Variants in SH3RF1 observed in about 807,000 individuals in gnomAD.
SH3RF1 encodes E3 ubiquitin-protein ligase SH3RF1.
In SH3RF1, 32 loss-of-function variants were observed where a neutral mutation model predicts 74.0. That is an observed-to-expected ratio of 0.43 (90% CI 0.33 to 0.58). SH3RF1 has a LOEUF of 0.58. Ranked by LOEUF, SH3RF1 falls within the 20% of genes least tolerant of loss-of-function variation. SH3RF1 has a pLI of 0.05. For missense variants in SH3RF1, 954 were observed against 1,130.9 expected (o/e 0.84, Z 2.24); for synonymous variants, 396 against 439.6 (o/e 0.90, Z 1.24).
At chr4:169,201,401 T>C (rs1284057252) in intron 2 of SH3RF1, among the ~76,000 whole-genome samples, 1 of 152,192 alleles carries the variant, frequency 6.6e-6, no homozygotes, top group East Asian at 1.9e-4. Context: ...AAACAATATT[T>C]GCCAAACTAA....
intron 10 of SH3RF1, among the ~76,000 whole-genome samples, chr4:169,107,810 G>GT (rs1274889716): frequency 2.0e-5 from 3 of 152,178 alleles, no homozygotes; most frequent in African/African-American, 7.2e-5. Flanking sequence ...TTGATTAAAT[G>GT]TAACAAGCCA....
At chr4:169,146,221 T>TTA (rs1733889542) in intron 4 of SH3RF1, among the ~76,000 whole-genome samples, 1 of 140,434 alleles carries the variant, frequency 7.1e-6, no homozygotes, top group African/African-American at 2.7e-5. Flanking sequence ...ATTATATGTT[T>TTA]TATATATATA....
At chr4:169,216,727 T>G (rs2126998948) in intron 2 of SH3RF1, among the ~76,000 whole-genome samples, 1 of 152,330 alleles carries the variant, frequency 6.6e-6, no homozygotes, top group East Asian at 1.9e-4. Flanking sequence ...GTTAATTGTC[T>G]TCAGTATTTT....
chr4:169,238,314 G>A (rs1478095127), intron 2 of SH3RF1, among the ~76,000 whole-genome samples: 1 of 152,150 alleles, frequency 6.6e-6, no homozygotes, highest in Non-Finnish European at 1.5e-5. Flanking sequence ...AGGTGTCATG[G>A]GCATGGAAGG....
intron 2 of SH3RF1, among the ~76,000 whole-genome samples, chr4:169,229,248 T>A (rs897256871): frequency 6.6e-6 from 1 of 152,212 alleles, no homozygotes; most frequent in Non-Finnish European, 1.5e-5. Flanking sequence ...ATAATTAACA[T>A]TTGAATTTAA....
chr4:169,156,752 T>G, intron 2 of SH3RF1, 73 bp from the exon 3 acceptor site: 2 of 1,416,160 alleles, frequency 1.4e-6, no homozygotes, highest in Non-Finnish European at 1.9e-6. Context: ...ACAACTGCGT[T>G]GTCATTGTTT....
intron 4 of SH3RF1, among the ~76,000 whole-genome samples, chr4:169,148,250 C>T (rs796345779): frequency 5.5e-4 from 84 of 152,320 alleles, no homozygotes; most frequent in African/African-American, 1.9e-3. Flanking sequence ...TCTAGGGAAG[C>T]GATGAACTGC....
At chr4:169,167,877 G>A (rs1290746222) in intron 2 of SH3RF1, among the ~76,000 whole-genome samples, 1 of 152,070 alleles carries the variant, frequency 6.6e-6, no homozygotes, top group Non-Finnish European at 1.5e-5. Flanking sequence ...CAATACCAAA[G>A]GATATTAAGG....
intron 2 of SH3RF1, among the ~76,000 whole-genome samples, chr4:169,256,380 A>C (rs1731195195): frequency 6.6e-6 from 1 of 152,054 alleles, no homozygotes. Context: ...CCTTTTACAG[A>C]TGAGGCCCAG....
rs1220659177 is a variant in SH3RF1, at chr4:169,120,954, T to G, written c.1382A>C (p.Glu461Ala). The change falls in exon 8 of 12, where the codon GAG becomes GCG. Residue 461 changes from glutamate (E) to alanine (A), a missense_variant. Around this residue, in one of 3 missense-constraint regions of SH3RF1, gnomAD observed 854 missense variants for 962.5 expected, o/e 0.89. Coordinates refer to ENST00000284637, the MANE Select transcript of SH3RF1 (RefSeq NM_020870.4). ...CCCTTTTCTCAGCTCTAGTTCATCC[T>G]CTTTCCGAGGAGTGTATGGATATAT... ...VAIYPYTPRK[E>A]DELELRKGEM... The G allele has an allele frequency of 1.2e-6, 2 of 1,614,162 alleles. No homozygotes were observed. Among genetic ancestry groups the G allele is most frequent in the Non-Finnish European group, 1.7e-6 (2 of 1,179,984 alleles).
intron 4 of SH3RF1, among the ~76,000 whole-genome samples, chr4:169,144,164 T>C (rs1733832750): frequency 1.3e-5 from 2 of 152,196 alleles, no homozygotes; most frequent in Admixed American, 1.3e-4. Context: ...CTCTGTAACA[T>C]GTAAAGTGCT....
intron 4 of SH3RF1, among the ~76,000 whole-genome samples, chr4:169,146,767 G>C (rs985420764): frequency 2.0e-5 from 3 of 152,078 alleles, no homozygotes; most frequent in Non-Finnish European, 4.4e-5. Context: ...TTTGAGGGGA[G>C]TGTAGTCAAG....
chr4:169,241,085 C>G (rs568660456), intron 2 of SH3RF1, among the ~76,000 whole-genome samples: 1 of 152,234 alleles, frequency 6.6e-6, no homozygotes, highest in South Asian at 2.1e-4. Flanking sequence ...AAAAAATTAG[C>G]CAAGCGTGGT....
intron 2 of SH3RF1, among the ~76,000 whole-genome samples, chr4:169,217,617 G>C (rs1730488546): frequency 6.6e-6 from 1 of 152,114 alleles, no homozygotes; most frequent in Admixed American, 6.5e-5. Flanking sequence ...TCTGGACAAA[G>C]GAATAAGGCA....
chr4:169,229,591 A>T (rs1176365415), intron 2 of SH3RF1, among the ~76,000 whole-genome samples: 2 of 152,162 alleles, frequency 1.3e-5, no homozygotes, highest in East Asian at 3.9e-4. Flanking sequence ...TTTGTTTAAC[A>T]TCACTGTTTT....
chr4:169,149,248 A>G (rs1212721954), intron 4 of SH3RF1, among the ~76,000 whole-genome samples: 1 of 151,612 alleles, frequency 6.6e-6, no homozygotes, highest in Non-Finnish European at 1.5e-5. Context: ...TACCTAAACA[A>G]CTCCTTTTTA....
intron 2 of SH3RF1, among the ~76,000 whole-genome samples, chr4:169,157,193 A>AT (rs1734073716): frequency 6.6e-6 from 1 of 152,144 alleles, no homozygotes; most frequent in Non-Finnish European, 1.5e-5. Flanking sequence ...TCTCTTCCTG[A>AT]TATTGCTTTT....
intron 1 of SH3RF1, among the ~76,000 whole-genome samples, chr4:169,270,370 G>A (rs991102234): frequency 6.6e-6 from 1 of 152,118 alleles, no homozygotes; most frequent in African/African-American, 2.4e-5. Context: ...GCTGCGGCCC[G>A]GCCGGTCCCG....
At chr4:169,253,028 C>T (rs1269022070) in intron 2 of SH3RF1, among the ~76,000 whole-genome samples, 1 of 152,134 alleles carries the variant, frequency 6.6e-6, no homozygotes, top group Non-Finnish European at 1.5e-5. Flanking sequence ...ATTTACATAT[C>T]AGGTTAATGT....
Sources: gnomAD v4.1 joint callset for allele counts (sites outside exome capture counted in the v4.1 genomes callset) on GRCh38, gnomAD v4.1.1 for gene constraint, gnomAD v4.1.1 regional missense constraint, MANE v1.5 for transcripts, NCBI Gene and HGNC (gene_info 2026-07-23, HGNC 2026-07-21) for gene names.